Variants in DBT observed in about 807,000 individuals in gnomAD.
DBT encodes the protein dihydrolipoamide branched chain transacylase E2, also known as lipoamide acyltransferase component of branched-chain alpha-keto acid dehydrogenase complex, mitochondrial.
DBT carries 40 observed loss-of-function variants against 51.3 expected under a neutral mutation model. That is an observed-to-expected ratio of 0.78 (90% CI 0.61 to 1.02). The LOEUF is 1.02. Among genes scored for constraint, DBT ranks in the 50% least tolerant of loss-of-function variants. DBT has a pLI of 0.00. For missense variants in DBT, 510 were observed against 580.2 expected, an observed-to-expected ratio of 0.88 and a Z score of 1.24; for synonymous variants, 181 against 190.4, an observed-to-expected ratio of 0.95 and a Z score of 0.41.
At chr1:100,240,596 A>G (rs1664154678) in intron 2 of DBT, among the ~76,000 whole-genome samples, 165 bp downstream of exon 2, 1 of 152,216 alleles carries the variant, frequency 6.6e-6, no homozygotes, top group Admixed American at 6.5e-5. Context: ...GGGATGAGAA[A>G]AAAGAAAGTG....
intron 4 of DBT, among the ~76,000 whole-genome samples, chr1:100,227,398 G>C (rs1663284436): frequency 6.6e-6 from 1 of 151,618 alleles, no homozygotes; most frequent in Non-Finnish European, 1.5e-5. Flanking sequence ...ATTTCATACA[G>C]GTAGCATACA....
chr1:100,213,652 T>A, intron 7 of DBT: 1 of 1,610,788 alleles, frequency 6.2e-7, no homozygotes, highest in Non-Finnish European at 8.5e-7. Flanking sequence ...GCCCCAACTG[T>A]GGAGCCACCT....
intron 10 of DBT, among the ~76,000 whole-genome samples, chr1:100,204,282 A>C (rs1661626983): frequency 6.6e-6 from 1 of 152,192 alleles, no homozygotes; most frequent in African/African-American, 2.4e-5. Flanking sequence ...AATGTGCAAA[A>C]ATCACAAGCA....
chr1:100,246,249 G>A (rs1334992139), intron 1 of DBT, among the ~76,000 whole-genome samples: 2 of 152,006 alleles, frequency 1.3e-5, no homozygotes, highest in Non-Finnish European at 2.9e-5. Flanking sequence ...AGAGTGAGAC[G>A]CCGTCTCAAA....
intron 7 of DBT, 141 bp downstream of exon 7, chr1:100,214,676 C>A (rs1327208835): frequency 1.2e-6 from 1 of 806,418 alleles, no homozygotes; most frequent in Non-Finnish European, 2.1e-6. Flanking sequence ...ATTGTTTAAA[C>A]CCGGAAGGTG....
intron 1 of DBT, among the ~76,000 whole-genome samples, chr1:100,241,641 C>G (rs533689257): frequency 5.3e-5 from 8 of 152,286 alleles, no homozygotes; most frequent in African/African-American, 1.9e-4. Flanking sequence ...AAGCAATCCT[C>G]CCACCTCAGC....
At position 100,247,768 on chromosome 1, in the gene DBT, C is replaced by T. The variant is rs145635570; in HGVS notation, c.51+2002G>A. On this transcript the variant is annotated intron_variant, in intron 1 of 10. Transcript: ENST00000370132. ...AGTTCTAGAGGCTGGAGAGTCTGAC[C>T]TGCTTTGAAGCTTTACGGCAGACAC... Among the ~76,000 whole-genome samples the T allele has an allele frequency of 2.8e-3, 426 of 150,806 alleles. 3 individuals carry two copies. Among genetic ancestry groups the T allele is most frequent in the African/African-American group, 9.7e-3 (398 of 41,180 alleles).
intron 9 of DBT, 40 bp downstream of exon 9, chr1:100,206,404 AC>A (rs1364521115): frequency 6.4e-7 from 1 of 1,570,712 alleles, no homozygotes; most frequent in Non-Finnish European, 8.8e-7. Context: ...ATGATCAGAA[AC>A]CTTAAGTAAT....
chr1:100,210,928 T>TTA, intron 7 of DBT, 157 bp from the exon 8 acceptor site: 1 of 1,494,776 alleles, frequency 6.7e-7, no homozygotes, highest in Non-Finnish European at 9.1e-7. Flanking sequence ...TTACTGCCAA[T>TTA]GTTACCTTCA....
At chr1:100,241,811 G>C (rs900588444) in intron 1 of DBT, among the ~76,000 whole-genome samples, 1 of 152,188 alleles carries the variant, frequency 6.6e-6, no homozygotes, top group Non-Finnish European at 1.5e-5. Flanking sequence ...GAGGTAGGGA[G>C]TTAAAGAGAC....
intron 3 of DBT, among the ~76,000 whole-genome samples, chr1:100,234,053 A>T (rs1663712062): frequency 1.3e-5 from 2 of 152,224 alleles, no homozygotes; most frequent in African/African-American, 4.8e-5. Flanking sequence ...TTTTGCTTCT[A>T]AGAGAAGTTA....
rs141463177 is a variant in DBT at position 100,197,979 on chromosome 1, C to T, written c.1282-1557G>A. ...AATAAGATTTCTACTCTAAGAACTACACTTCATGGCTTGAAAAAACCATGG... is the reference window on the plus strand; with the variant it reads ...AATAAGATTTCTACTCTAAGAACTATACTTCATGGCTTGAAAAAACCATGG... On this transcript the variant is annotated intron_variant, in intron 10 of 10. Coordinates refer to ENST00000370132, the MANE Select transcript of DBT (RefSeq NM_001918.5). Among the ~76,000 whole-genome samples the T allele has an allele frequency of 8.0e-4, 122 of 152,262 alleles. 5 individuals carry two copies. In the East Asian group the frequency reaches 0.021, roughly 26 times the overall value.
intron 2 of DBT, among the ~76,000 whole-genome samples, chr1:100,237,534 T>C (rs1481532734): frequency 6.6e-6 from 1 of 152,108 alleles, no homozygotes; most frequent in Non-Finnish European, 1.5e-5. Context: ...AAAATTTCTC[T>C]GGCAGGAGTG....
At chr1:100,221,079 A>G (rs1662833965) in intron 4 of DBT, among the ~76,000 whole-genome samples, 1 of 152,210 alleles carries the variant, frequency 6.6e-6, no homozygotes, top group East Asian at 1.9e-4. Flanking sequence ...TATAACATAC[A>G]AAAATTATTA....
intron 4 of DBT, among the ~76,000 whole-genome samples, chr1:100,221,387 G>A (rs761426133): frequency 3.3e-5 from 5 of 151,828 alleles, no homozygotes; most frequent in African/African-American, 9.7e-5. Flanking sequence ...GTTTCACTAC[G>A]TTGCCCAGGC....
chr1:100,209,518 C>G (rs920433358), intron 8 of DBT, among the ~76,000 whole-genome samples: 5 of 152,088 alleles, frequency 3.3e-5, no homozygotes, highest in African/African-American at 1.2e-4. Context: ...CCCAGAATAT[C>G]TAAGCTCACT....
rs142000473 is a variant in DBT at position 100,231,901 on chromosome 1, A to G, written c.252-987T>C. On this transcript the variant is annotated intron_variant, in intron 3 of 10. Coordinates refer to ENST00000370132, the MANE Select transcript of DBT (RefSeq NM_001918.5). ...TCCTTTCCCTAGCGCAGCAGGAGCC[A>G]AATCAGCAGCCTTGCAGCCACTGTA... is the stretch of plus-strand genomic sequence containing the variant. Among the ~76,000 whole-genome samples the G allele has an allele frequency of 3.3e-5, 5 of 152,346 alleles. No homozygotes were observed. In the East Asian group the frequency reaches 9.6e-4, roughly 29 times the overall value.
At chr1:100,247,697 CAAAAA>C (rs59843533) in intron 1 of DBT, among the ~76,000 whole-genome samples, 5 of 107,868 alleles carry the variant, frequency 4.6e-5, no homozygotes, top group Admixed American at 1.1e-4. Flanking sequence ...AGACTCTTCT[CAAAAA>C]AAAAAAAAAA....
At chr1:100,210,399 T>C (rs559555449) in intron 8 of DBT, 1 of 166,420 alleles carries the variant, frequency 6.0e-6, no homozygotes, top group Non-Finnish European at 1.3e-5. Context: ...AAGAGCTGCT[T>C]CTTTTTGAGA....
Sources: allele counts gnomAD v4.1 joint callset (sites outside exome capture counted in the v4.1 genomes callset), GRCh38; gene constraint gnomAD v4.1.1; transcripts MANE v1.5; gene names NCBI Gene and HGNC (gene_info 2026-07-23, HGNC 2026-07-21).